IGF2R: variants seen among roughly 807,000 people sequenced by gnomAD.
The protein encoded by IGF2R is cation-independent mannose-6-phosphate receptor.
Under a neutral mutation model 270.6 loss-of-function variants are expected in IGF2R, and 91 were observed. The ratio of observed to expected loss-of-function variants is 0.34; its 90% CI spans 0.28 to 0.40. The LOEUF (loss-of-function observed/expected upper bound fraction) is 0.40, where lower values mean the gene tolerates loss of function less well. Ranked by LOEUF, IGF2R falls within the 10% of genes least tolerant of loss-of-function variation. The pLI, the probability that IGF2R is intolerant of heterozygous loss-of-function variation, is 1.00. For missense variants in IGF2R, 2,805 were observed against 3,188.3 expected (o/e 0.88, Z 2.90); for synonymous variants, 1,316 against 1,258.9 (o/e 1.05, Z -0.96).
At chr6:160,048,611 T>A in intron 18 of IGF2R, 68 bp downstream of exon 18, 1 of 1,506,356 alleles carries the variant, frequency 6.6e-7, no homozygotes, top group Non-Finnish European at 9.1e-7. Context: ...AGGAGGTGGT[T>A]ATTCTGGGAC....
At chr6:160,088,866 T>A (rs1003073713) in intron 42 of IGF2R, among the ~76,000 whole-genome samples, 2 of 152,198 alleles carry the variant, frequency 1.3e-5, no homozygotes, top group African/African-American at 4.8e-5. Flanking sequence ...ATTGTGGTGA[T>A]GAAAAGAAGT....
intron 4 of IGF2R, among the ~76,000 whole-genome samples, chr6:160,013,539 G>A (rs1207842503): frequency 1.3e-5 from 2 of 151,862 alleles, no homozygotes; most frequent in Non-Finnish European, 1.5e-5. Flanking sequence ...GCAGATTGAA[G>A]ATGCATGAGA....
chr6:160,022,345 C>G (rs1465268253), intron 4 of IGF2R, among the ~76,000 whole-genome samples: 1 of 152,216 alleles, frequency 6.6e-6, no homozygotes, highest in African/African-American at 2.4e-5. Flanking sequence ...GACCTCACCA[C>G]TGTGCAATAT....
intron 1 of IGF2R, among the ~76,000 whole-genome samples, chr6:159,979,525 G>T (rs1783746805): frequency 6.6e-6 from 1 of 152,212 alleles, no homozygotes; most frequent in Admixed American, 6.5e-5. Flanking sequence ...TGAGCTCATG[G>T]CCTTGACTTT....
chr6:160,040,857 G>A, intron 11 of IGF2R, 133 bp downstream of exon 11: 1 of 834,228 alleles, frequency 1.2e-6, no homozygotes, highest in Non-Finnish European at 1.9e-6. Context: ...GTTTTTTCAT[G>A]TGGCTGTGTG....
In IGF2R at chr6:160,102,689, C is replaced by A; in HGVS notation, c.6995+18C>A. The A allele has an allele frequency of 6.4e-7, 1 of 1,573,890 alleles. No individual in the cohort carries two copies. Among genetic ancestry groups the A allele is most frequent in the Non-Finnish European group, 8.7e-7 (1 of 1,155,966 alleles). On this transcript the variant is annotated intron_variant, in intron 46 of 47. Transcript: ENST00000356956. This position sits in a 1 kb window ranked among gnomAD's most constrained non-coding sequence, Gnocchi z 4.5. ...GAGAGGAGGTAAGCGGGTGGCAGGG[C>A]GAGGTGGGGCGGGTGGATGCATGCC...
rs1188655370 is a variant in IGF2R at position 160,050,470 on chromosome 6, C to G, written c.2515-3C>G. ...AAGCCTAACAAGACTGGTTTTCTTG[C>G]AGGGCTCCTTCACTGAAGTGGTTTC... On this transcript the variant is annotated splice_polypyrimidine_tract_variant and splice_region_variant and intron_variant, in intron 18 of 47. Coordinates refer to ENST00000356956, the MANE Select transcript of IGF2R (RefSeq NM_000876.4). This position sits in a 1 kb window ranked among gnomAD's most constrained non-coding sequence, Gnocchi z 4.0. 6.2e-7 allele frequency: 1 copy of G among 1,602,580 alleles called. No homozygotes were observed.
chr6:160,104,832 C>T lies in IGF2R; in HGVS notation c.7224C>T (p.Asp2408=). 6.2e-7 allele frequency: 1 copy of T among 1,614,150 alleles called. No homozygotes were observed. Among genetic ancestry groups the T allele is most frequent in the South Asian group, 1.1e-5 (1 of 91,084 alleles). The change falls in exon 48 of 48, where the codon GAC becomes GAT. Residue 2408 remains aspartate, a synonymous_variant. Transcript: ENST00000356956. The part of the protein sequence containing the change: ...ALSSLHGDDQ[D]SEDEVLTIPE... ...GCTCCCTGCATGGGGATGACCAGGA[C>T]AGTGAGGATGAGGTTCTGACCATCC...
At chr6:160,080,342 C>G in intron 39 of IGF2R, 67 bp downstream of exon 39, 1 of 1,481,528 alleles carries the variant, frequency 6.7e-7, no homozygotes, top group Non-Finnish European at 9.2e-7. Flanking sequence ...TCGATTCACA[C>G]TGAGACCTTT....
At chr6:160,097,001 T>C (rs752576570) in intron 45 of IGF2R, among the ~76,000 whole-genome samples, 1 of 152,256 alleles carries the variant, frequency 6.6e-6, no homozygotes, top group Non-Finnish European at 1.5e-5. Flanking sequence ...GCCTCCTCTG[T>C]GTAATCCTGG....
At chr6:160,061,401 G>A in intron 23 of IGF2R, 102 bp from the exon 24 acceptor site, 1 of 1,032,110 alleles carries the variant, frequency 9.7e-7, no homozygotes, top group Non-Finnish European at 1.5e-6. Flanking sequence ...AGTTAGGAAT[G>A]CCAGGTTCAC....
chr6:160,034,756 CTGTT>C (rs1406227164), intron 10 of IGF2R, among the ~76,000 whole-genome samples: 3 of 152,132 alleles, frequency 2.0e-5, no homozygotes, highest in Admixed American at 6.5e-5. Flanking sequence ...TCGGTTTTCT[CTGTT>C]TGTTTTGGGA....
chr6:160,053,814 T>G (rs1778249443), intron 19 of IGF2R, among the ~76,000 whole-genome samples: 1 of 152,166 alleles, frequency 6.6e-6, no homozygotes, highest in Admixed American at 6.5e-5. Context: ...TGGGCTCAAG[T>G]GACCCTGTCA....
In IGF2R at chr6:160,004,635, T is replaced by C; in HGVS notation, c.290-4375T>C. ...AGGTCCCTGCGGATTCTGGAGAACC[T>C]CAAGGTGCGGCCCCGGGGGTGTGGC... On this transcript the variant is annotated intron_variant, in intron 2 of 47. Coordinates refer to ENST00000356956, the MANE Select transcript of IGF2R (RefSeq NM_000876.4). The surrounding 1 kb of genome is among the most constrained non-coding windows in gnomAD (Gnocchi z 5.2). The C allele has an allele frequency of 6.5e-6, 1 of 153,972 alleles. No individual in the cohort carries two copies. The highest frequency in any genetic ancestry group is 1.4e-5 in the Non-Finnish European group (1 of 69,396). 9.5% of individuals were successfully genotyped at this position (153,972 alleles called of 1,614,324 possible).
In IGF2R at chr6:160,084,139, TCTC is replaced by T; in HGVS notation, c.6027_6029del (p.Ser2010del). 1.2e-6 allele frequency: 2 copies of T among 1,614,092 alleles called. No homozygotes were observed. Among genetic ancestry groups the T allele is most frequent in the Non-Finnish European group, 1.7e-6 (2 of 1,179,970 alleles). On this transcript the variant is annotated inframe_deletion, in exon 40 of 48. Coordinates refer to ENST00000356956, the MANE Select transcript of IGF2R (RefSeq NM_000876.4). This position sits in a 1 kb window ranked among gnomAD's most constrained non-coding sequence, Gnocchi z 4.6. ...CACAAAACCTACGACCTGCGGCTGC[TCTC>T]CTCTCTCACCGGGTCCTGGTCCCTC...
In IGF2R at chr6:160,010,791, A is replaced by T. The variant is rs1215777023; in HGVS notation, c.513+6A>T. 6.6e-7 allele frequency: 1 copy of T among 1,523,862 alleles called. No individual in the cohort carries two copies. 94.4% of individuals were successfully genotyped at this position (1,523,862 alleles called of 1,614,324 possible). A position where few individuals can be genotyped will look rare whatever the true frequency, so the allele number is the denominator to read the frequency against. On this transcript the variant is annotated splice_donor_region_variant and intron_variant, in intron 4 of 47. Coordinates refer to ENST00000356956, the MANE Select transcript of IGF2R (RefSeq NM_000876.4). ...TATTTAAAGCAAATAAGGAGGTAAC[A>T]TGGGAACTTCAAATTACATGCTTAT...
chr6:160,028,142 A>G (rs947709449), intron 6 of IGF2R, among the ~76,000 whole-genome samples: 1 of 152,236 alleles, frequency 6.6e-6, no homozygotes, highest in African/African-American at 2.4e-5. Context: ...TACACAGTCT[A>G]AAGGCTGCAT....
intron 30 of IGF2R, among the ~76,000 whole-genome samples, chr6:160,069,224 C>T (rs538170338): frequency 2.0e-5 from 3 of 152,220 alleles, no homozygotes; most frequent in African/African-American, 4.8e-5. Context: ...CATGGCCCCT[C>T]GGAACCCTGA....
At chr6:159,974,255 T>A (rs1783654849) in intron 1 of IGF2R, among the ~76,000 whole-genome samples, 1 of 134,416 alleles carries the variant, frequency 7.4e-6, no homozygotes, top group African/African-American at 2.5e-5. Flanking sequence ...GAAAGGAACA[T>A]CTTTTCTTGT....
Sources: gnomAD v4.1 joint callset for allele counts (sites outside exome capture counted in the v4.1 genomes callset) on GRCh38, gnomAD v4.1.1 for gene constraint, Gnocchi (gnomAD v3.1) non-coding constraint, MANE v1.5 for transcripts, NCBI Gene and HGNC (gene_info 2026-07-23, HGNC 2026-07-21) for gene names.